PGPEP1L: variants seen among roughly 807,000 people sequenced by gnomAD.
PGPEP1L encodes pyroglutamyl-peptidase I like.
In PGPEP1L, 7 loss-of-function variants were observed where a neutral mutation model predicts 6.0. The ratio of observed to expected loss-of-function variants is 1.17; its 90% CI spans 0.66 to 2.19. PGPEP1L has a LOEUF of 2.19. Among genes scored for constraint, PGPEP1L ranks in the 30% most tolerant of loss-of-function variants. The probability of loss-of-function intolerance (pLI) is 0.00; values close to 1 mark genes in which losing one functional copy is unlikely to be tolerated. For synonymous variants in PGPEP1L, 103 were observed against 83.9 expected, an observed-to-expected ratio of 1.23 and a Z score of -1.24; for missense variants, 209 against 192.5, an observed-to-expected ratio of 1.09 and a Z score of -0.51.
intron 4 of PGPEP1L, 94 bp from the exon 5 acceptor site, chr15:98,968,791 TGAG>T (rs2017444485): frequency 3.4e-6 from 4 of 1,179,062 alleles, no homozygotes; most frequent in East Asian, 2.6e-5. Flanking sequence ...CCACAAAGCC[TGAG>T]GAGGGAGCAC....
chr15:98,997,856 G>A (rs193168813), intron 2 of PGPEP1L, among the ~76,000 whole-genome samples: 1 of 152,208 alleles, frequency 6.6e-6, no homozygotes, highest in African/African-American at 2.4e-5. Context: ...CTGCTCTGAG[G>A]ACACTCCCCA....
intron 2 of PGPEP1L, among the ~76,000 whole-genome samples, chr15:98,997,438 G>A (rs2017903277): frequency 6.6e-6 from 1 of 152,160 alleles, no homozygotes; most frequent in Admixed American, 6.5e-5. Flanking sequence ...GCATGAAATT[G>A]ATGGCCAAGT....
At chr15:98,999,805 T>A (rs2151765735) in intron 2 of PGPEP1L, among the ~76,000 whole-genome samples, 1 of 152,252 alleles carries the variant, frequency 6.6e-6, no homozygotes, top group East Asian at 1.9e-4. Context: ...AAATGTGGTA[T>A]AATCCACACA....
At chr15:98,969,047 G>A (rs2017450000) in intron 4 of PGPEP1L, among the ~76,000 whole-genome samples, 2 of 152,216 alleles carry the variant, frequency 1.3e-5, no homozygotes, top group South Asian at 2.1e-4. Flanking sequence ...ATCGGAGTTT[G>A]GAGAAACAAA....
At chr15:98,970,513 T>C (rs1830462775) in intron 3 of PGPEP1L, among the ~76,000 whole-genome samples, 1 of 121,470 alleles carries the variant, frequency 8.2e-6, no homozygotes, top group Non-Finnish European at 1.9e-5. Context: ...GTGTATGTTT[T>C]ATTAACCTCA....
At chr15:99,007,069 T>G (rs2018081789) in intron 1 of PGPEP1L, among the ~76,000 whole-genome samples, 1 of 152,250 alleles carries the variant, frequency 6.6e-6, no homozygotes, top group African/African-American at 2.4e-5. Flanking sequence ...AGACCCCCCT[T>G]GGTGGCTTTC....
At chr15:98,995,958 A>G (rs2017882649) in intron 2 of PGPEP1L, among the ~76,000 whole-genome samples, 1 of 152,212 alleles carries the variant, frequency 6.6e-6, no homozygotes, top group Non-Finnish European at 1.5e-5. Flanking sequence ...CCTTTCATTT[A>G]CCGTAATTCT....
chr15:98,979,630 A>ATTTTTTTTTT (rs1882033817), intron 2 of PGPEP1L, among the ~76,000 whole-genome samples: 1 of 105,926 alleles, frequency 9.4e-6, no homozygotes. Flanking sequence ...ATTGGAGACT[A>ATTTTTTTTTT]TTCTTTTTTT....
At chr15:99,001,884 A>T (rs1327783399) in intron 2 of PGPEP1L, among the ~76,000 whole-genome samples, 1 of 152,020 alleles carries the variant, frequency 6.6e-6, no homozygotes, top group African/African-American at 2.4e-5. Flanking sequence ...TGCCCAGCTA[A>T]TTTTTGTATT....
intron 2 of PGPEP1L, chr15:98,998,081 C>T (rs968811398): frequency 6.6e-6 from 1 of 152,632 alleles, no homozygotes; most frequent in African/African-American, 2.4e-5. Context: ...GGGCGCTGAG[C>T]TCCTGGGTCT....
At position 98,971,425 on chromosome 15, in the gene PGPEP1L, T is replaced by C. The variant is rs923386216; in HGVS notation, c.-141-267A>G. On this transcript the variant is annotated intron_variant, in intron 2 of 4. Transcript: ENST00000535714. Reference sequence around the variant, plus strand: ...AGGAGAATCACTTGAACCTGGGAGGTGGAGGTTGCAGTGAGCCGAAATAGT... The same window carrying C: ...AGGAGAATCACTTGAACCTGGGAGGCGGAGGTTGCAGTGAGCCGAAATAGT... Among the ~76,000 whole-genome samples, 4 of 150,882 alleles carry C rather than the reference T, an allele frequency of 2.7e-5. No individual in the cohort carries two copies. In the East Asian group the frequency reaches 5.9e-4, roughly 22 times the overall value.
At position 98,984,035 on chromosome 15, in the gene PGPEP1L, T is replaced by C. The variant is rs1284687850; in HGVS notation, c.-141-12877A>G. Among the ~76,000 whole-genome samples the C allele has an allele frequency of 3.8e-5, 5 of 130,444 alleles. No homozygotes were observed. The East Asian group carries it at 8.2e-4, about 21-fold the overall frequency. The allele number at this position is 130,444 out of a possible 152,430, so 85.6% of individuals were successfully genotyped here. On this transcript the variant is annotated intron_variant, in intron 2 of 4. Coordinates refer to ENST00000535714, the MANE Select transcript of PGPEP1L (RefSeq NM_001167902.2). The stretch of plus-strand genomic sequence containing the variant: ...TTTTTTTTTTTTTTTTTTTTTTTTC[T>C]ATTTTGAGTCTCACTCTGTCGCCCA...
chr15:98,993,736 T>C (rs2017849926), intron 2 of PGPEP1L, among the ~76,000 whole-genome samples: 2 of 151,888 alleles, frequency 1.3e-5, no homozygotes, highest in Non-Finnish European at 2.9e-5. Context: ...GATGGGTTGA[T>C]GGGTGCAGCA....
intron 2 of PGPEP1L, among the ~76,000 whole-genome samples, chr15:98,997,789 G>A (rs1276027213): frequency 5.3e-5 from 8 of 151,960 alleles, no homozygotes; most frequent in Admixed American, 1.3e-4. Context: ...ACTTTCCCCC[G>A]GGCCCCATAG....
rs1290645301 is a variant in PGPEP1L, at chr15:98,971,095, C to T, written c.-78G>A. 6.2e-7 allele frequency: 1 copy of T among 1,613,066 alleles called. No homozygotes were observed. Among genetic ancestry groups the T allele is most frequent in the Non-Finnish European group, 8.5e-7 (1 of 1,179,612 alleles). ...CTCCGCTTAGCCTCCCTGTAATCTACAGGCAGCTCCAGAGTCCGCAGCTGC... is the reference window on the plus strand; with the variant it reads ...CTCCGCTTAGCCTCCCTGTAATCTATAGGCAGCTCCAGAGTCCGCAGCTGC... On this transcript the variant is annotated 5_prime_UTR_variant, in exon 3 of 5. Coordinates refer to ENST00000535714, the MANE Select transcript of PGPEP1L (RefSeq NM_001167902.2).
chr15:98,981,468 C>G (rs190160754), intron 2 of PGPEP1L, among the ~76,000 whole-genome samples: 7,484 of 127,032 alleles, frequency 0.059, 646 homozygotes, highest in African/African-American at 0.19. Context: ...CCAGCCTGGG[C>G]AACAGAGCAA....
chr15:98,968,874 C>G (rs1469097200), intron 4 of PGPEP1L, among the ~76,000 whole-genome samples, 177 bp from the exon 5 acceptor site: 1 of 152,240 alleles, frequency 6.6e-6, no homozygotes, highest in African/African-American at 2.4e-5. Context: ...CTGGGGAGAG[C>G]TGGCTCTTGG....
chr15:98,981,468 C>T lies in PGPEP1L; in HGVS notation c.-141-10310G>A, dbSNP rs190160754. Among the ~76,000 whole-genome samples, 34 of 127,054 alleles carry T rather than the reference C, an allele frequency of 2.7e-4. 1 individual carries two copies. Among genetic ancestry groups the T allele is most frequent in the Non-Finnish European group, 4.0e-4 (25 of 61,966 alleles). The allele number at this position is 127,054 out of a possible 152,430, so 83.4% of individuals were successfully genotyped here. On this transcript the variant is annotated intron_variant, in intron 2 of 4. Coordinates refer to ENST00000535714, the MANE Select transcript of PGPEP1L (RefSeq NM_001167902.2). The stretch of plus-strand genomic sequence containing the variant: ...TCGCACCACTGCACTCCAGCCTGGG[C>T]AACAGAGCAAGACTCCGTCTCAAAA...
chr15:98,971,853 A>G (rs1246458678), intron 2 of PGPEP1L, among the ~76,000 whole-genome samples: 2 of 151,836 alleles, frequency 1.3e-5, no homozygotes, highest in Non-Finnish European at 1.5e-5. Flanking sequence ...GTTGAGAGAT[A>G]GGCAACATAA....
Sources: gnomAD v4.1 joint callset for allele counts (sites outside exome capture counted in the v4.1 genomes callset) on GRCh38, gnomAD v4.1.1 for gene constraint, MANE v1.5 for transcripts, NCBI Gene and HGNC (gene_info 2026-07-23, HGNC 2026-07-21) for gene names.